Variants in COG4 observed in about 807,000 individuals in gnomAD.
COG4 encodes the protein component of oligomeric golgi complex 4.
In COG4, 65 loss-of-function variants were observed where a neutral mutation model predicts 95.1. That is an observed-to-expected ratio of 0.68 (90% CI 0.56 to 0.84). The LOEUF (loss-of-function observed/expected upper bound fraction) is 0.84, where lower values mean the gene tolerates loss of function less well. Among genes scored for constraint, COG4 ranks in the 40% least tolerant of loss-of-function variants. The pLI, the probability that COG4 is intolerant of heterozygous loss-of-function variation, is 0.00. For synonymous variants in COG4, 421 were observed against 374.8 expected, an observed-to-expected ratio of 1.12 and a Z score of -1.42; for missense variants, 1,045 against 989.1, an observed-to-expected ratio of 1.06 and a Z score of -0.76.
intron 8 of COG4, among the ~76,000 whole-genome samples, chr16:70,507,740 T>C (rs2049608214): frequency 6.6e-6 from 1 of 151,336 alleles, no homozygotes. Context: ...TGCACGCCTG[T>C]AGTTCCAGCT....
rs183406869 is a variant in COG4, at chr16:70,496,152, T to C, written c.1647+114A>G. 2.4e-5 allele frequency: 26 copies of C among 1,087,800 alleles called. No individual in the cohort carries two copies. The Admixed American group carries it at 2.9e-4, about 12-fold the overall frequency. 67.4% of individuals were successfully genotyped at this position (1,087,800 alleles called of 1,614,324 possible). A position where few individuals can be genotyped will look rare whatever the true frequency, so the allele number is the denominator to read the frequency against. ...CCTTAAAGGAGGAATTTTCCTTCTA[T>C]ATAGACACTGGAGGAAAAGTCTCTA... On this transcript the variant is annotated intron_variant, in intron 12 of 18. Coordinates refer to ENST00000323786, the MANE Select transcript of COG4 (RefSeq NM_015386.3).
At position 70,481,807 on chromosome 16, in the gene COG4, G is replaced by A; in HGVS notation, c.2063C>T (p.Ala688Val). ...CAGCACCACTTTCTCCAACTCGACG[G>A]CAACAAGGCTAGTCATGAGGCCGGT... is the stretch of plus-strand genomic sequence containing the variant. ...SLTGLMTSLV[A>V]VELEKVVLKS... The change falls in exon 17 of 19, where the codon GCC (alanine) becomes GTC (valine). Residue 688 changes from alanine (A) to valine (V), a missense_variant. Transcript: ENST00000323786. 2 of 1,614,060 alleles carry A rather than the reference G, an allele frequency of 1.2e-6. No homozygotes were observed. The highest frequency in any genetic ancestry group is 8.5e-7 in the Non-Finnish European group (1 of 1,180,008).
At chr16:70,507,139 G>A (rs535797581) in intron 8 of COG4, among the ~76,000 whole-genome samples, 3 of 152,276 alleles carry the variant, frequency 2.0e-5, no homozygotes, top group South Asian at 4.1e-4. Flanking sequence ...TCGGGAGGCC[G>A]AGGTGGGAGG....
Position 70,519,723 on chromosome 16 carries a change from C to T in COG4, c.180G>A (p.Val60=). Residue 60 remains valine (V), a synonymous_variant, in exon 2 of 19, where the codon GTG becomes GTA. Coordinates refer to ENST00000323786, the MANE Select transcript of COG4 (RefSeq NM_015386.3). ...CCAAAAGAGCATCCAGCTCTCTCTC[C>T]ACCACTTTCTGAAACACAGAGAAAC... ...YERLCGEEKV[V]ERELDALLEQ... The T allele has an allele frequency of 2.5e-6, 4 of 1,612,876 alleles. No individual in the cohort carries two copies. The highest frequency in any genetic ancestry group is 3.4e-6 in the Non-Finnish European group (4 of 1,179,038).
chr16:70,509,455 C>G (rs1367026161), intron 6 of COG4, 67 bp from the exon 7 acceptor site: 1 of 1,559,782 alleles, frequency 6.4e-7, no homozygotes, highest in Non-Finnish European at 8.8e-7. Flanking sequence ...TTGCTCCCAT[C>G]CAGGACTAAC....
At chr16:70,509,818 T>A in intron 6 of COG4, 98 bp downstream of exon 6, 1 of 871,562 alleles carries the variant, frequency 1.1e-6, no homozygotes, top group Non-Finnish European at 1.9e-6. Context: ...ACTACATGAT[T>A]AAATTAAAGT....
Position 70,481,458 on chromosome 16 carries a change from C to T in COG4, c.2136G>A (p.Leu712=). The T allele has an allele frequency of 6.2e-7, 1 of 1,612,816 alleles. No homozygotes were observed. Among genetic ancestry groups the T allele is most frequent in the Non-Finnish European group, 8.5e-7 (1 of 1,179,996 alleles). ...TGGTAAGGTAGGCAATGAGCGACCT[C>T]AGCTCCTTGTCAAACTGCAGACCAC... is the stretch of plus-strand genomic sequence containing the variant. The part of the protein sequence containing the change: ...RLGGLQFDKE[L]RSLIAYLTTV... Residue 712 remains leucine, a synonymous_variant, in exon 18 of 19, where the codon CTG becomes CTA. Transcript: ENST00000323786.
At chr16:70,484,426 T>TC (rs557731610) in intron 13 of COG4, among the ~76,000 whole-genome samples, 2 of 152,152 alleles carry the variant, frequency 1.3e-5, no homozygotes, top group Non-Finnish European at 2.9e-5. Flanking sequence ...GTTCCTCCTT[T>TC]CCCCCCCTTT....
At chr16:70,508,672 T>C (rs763804387) in intron 7 of COG4, 1 of 672,758 alleles carries the variant, frequency 1.5e-6, no homozygotes. Flanking sequence ...TCACCTCTAT[T>C]ACTGTGCTTA....
chr16:70,523,236 G>T, intron 1 of COG4, 137 bp downstream of exon 1: 1 of 1,062,016 alleles, frequency 9.4e-7, no homozygotes, highest in South Asian at 1.3e-5. Context: ...TCATATACCC[G>T]ACTAGCTTCC....
chr16:70,502,864 G>A (rs2049483094), intron 8 of COG4, among the ~76,000 whole-genome samples: 1 of 152,174 alleles, frequency 6.6e-6, no homozygotes, highest in Non-Finnish European at 1.5e-5. Context: ...ACAGAACTGT[G>A]AGTCCAGATG....
At chr16:70,486,864 C>T (rs564740370) in intron 13 of COG4, among the ~76,000 whole-genome samples, 3 of 152,120 alleles carry the variant, frequency 2.0e-5, no homozygotes, top group East Asian at 3.9e-4. Flanking sequence ...GGTGTGGTGG[C>T]GCACACCTGT....
At chr16:70,492,761 G>A (rs1296171349) in intron 12 of COG4, among the ~76,000 whole-genome samples, 3 of 151,788 alleles carry the variant, frequency 2.0e-5, no homozygotes, top group South Asian at 4.2e-4. Flanking sequence ...TCAGGAGTTC[G>A]AGACCATCCT....
chr16:70,509,757 G>C (rs1343447556), intron 6 of COG4, 159 bp downstream of exon 6: 9 of 681,936 alleles, frequency 1.3e-5, no homozygotes, highest in Non-Finnish European at 2.3e-5. Context: ...TTGCTAATCA[G>C]GCACTGAATC....
At position 70,512,320 on chromosome 16, in the gene COG4, C is replaced by T; in HGVS notation, c.657G>A (p.Val219=). 6.2e-7 allele frequency: 1 copy of T among 1,614,164 alleles called. No homozygotes were observed. The highest frequency in any genetic ancestry group is 8.5e-7 in the Non-Finnish European group (1 of 1,180,026). The change falls in exon 5 of 19, where the codon GTG becomes GTA. Residue 219 remains valine (V), a synonymous_variant. Coordinates refer to ENST00000323786, the MANE Select transcript of COG4 (RefSeq NM_015386.3). The part of the protein sequence containing the change: ...IATKEGDLPQ[V]ERFFKIFPLL... ...GTGGGAAGATCTTGAAGAAGCGCTC[C>T]ACCTGGGGCAGATCACCTTCCTTGG...
intron 2 of COG4, among the ~76,000 whole-genome samples, chr16:70,519,067 C>A (rs1367494171): frequency 1.3e-5 from 2 of 151,772 alleles, no homozygotes; most frequent in Non-Finnish European, 2.9e-5. Flanking sequence ...TGGACCCCAC[C>A]CCTAGACTTT....
At position 70,514,497 on chromosome 16, in the gene COG4, G is replaced by C; in HGVS notation, c.382C>G (p.Gln128Glu). The C allele has an allele frequency of 1.9e-6, 3 of 1,614,032 alleles. No homozygotes were observed. The highest frequency in any genetic ancestry group is 1.7e-5 in the Admixed American group (1 of 60,008). Residue 128 changes from glutamine (Q) to glutamate (E), a missense_variant, in exon 4 of 19, where the codon CAG becomes GAG. Physicochemically the swap from Gln to Glu is conservative, Grantham distance 29. Coordinates refer to ENST00000323786, the MANE Select transcript of COG4 (RefSeq NM_015386.3). The part of the protein sequence containing the change: ...QLDLAKNRLY[Q>E]AIQRADDILD... ...ATGTCATCAGCTCTCTGAATGGCCT[G>C]ATAGAGGCGGTTCTGCAAAAAGATT...
At position 70,508,456 on chromosome 16, in the gene COG4, A is replaced by G. The variant is rs1043565451; in HGVS notation, c.1011T>C (p.His337=). ...KQRDYHQQFR[H]VQNNLMRNST... is the part of the protein sequence containing the mutation. ...AATTTCTCATCAGGTTGTTCTGAAC[A>G]TGCCGGAACTGCAACATACCACAGG... The change falls in exon 8 of 19, where the codon CAT becomes CAC. Residue 337 remains histidine, a synonymous_variant. Coordinates refer to ENST00000323786, the MANE Select transcript of COG4 (RefSeq NM_015386.3). 4 of 1,614,108 alleles carry G rather than the reference A, an allele frequency of 2.5e-6. No individual in the cohort carries two copies. The South Asian group carries it at 4.4e-5, about 18-fold the overall frequency.
At chr16:70,493,226 T>C (rs2049280388) in intron 12 of COG4, among the ~76,000 whole-genome samples, 1 of 152,166 alleles carries the variant, frequency 6.6e-6, no homozygotes, top group African/African-American at 2.4e-5. Flanking sequence ...TGACATTCTC[T>C]GGTTTATCTA....
Sources: gnomAD v4.1 joint callset for allele counts (sites outside exome capture counted in the v4.1 genomes callset) on GRCh38, gnomAD v4.1.1 for gene constraint, MANE v1.5 for transcripts, NCBI Gene and HGNC (gene_info 2026-07-23, HGNC 2026-07-21) for gene names.